The following BICRA variants were observed in gnomAD, a reference collection of about 807,000 sequenced individuals.
BICRA encodes the protein BRD4-interacting chromatin-remodeling complex-associated protein.
In BICRA, 31 loss-of-function variants were observed where a neutral mutation model predicts 96.9. The ratio of observed to expected loss-of-function variants is 0.32; its 90% CI spans 0.24 to 0.43. BICRA has a LOEUF of 0.43. BICRA is among the 20% of genes least tolerant of loss of function. The pLI, the probability that BICRA is intolerant of heterozygous loss-of-function variation, is 1.00. For synonymous variants in BICRA, 1,350 were observed against 1,071.8 expected, an observed-to-expected ratio of 1.26 and a Z score of -5.07; for missense variants, 2,283 against 2,190.3, an observed-to-expected ratio of 1.04 and a Z score of -0.84.
At position 47,701,407 on chromosome 19, in the gene BICRA, C is replaced by T. The variant is rs1426492683; in HGVS notation, c.3675C>T (p.Gly1225=). The stretch of plus-strand genomic sequence containing the variant: ...AGGGTCATCGGCTTCCCGGCCACGG[C>T]CCCCTGTCGTCTTCAGCTCCCGGGG... The part of the protein sequence containing the change: ...SSEGHRLPGH[G]PLSSSAPGAS... The change falls in exon 15 of 15, where the codon GGC becomes GGT. Residue 1225 remains glycine, a synonymous_variant. Coordinates refer to ENST00000594866, the MANE Select transcript of BICRA (RefSeq NM_001394372.1). The surrounding 1 kb of genome is among the most constrained non-coding windows in gnomAD (Gnocchi z 5.4). The T allele has an allele frequency of 1.9e-6, 3 of 1,600,036 alleles. No homozygotes were observed. The highest frequency in any genetic ancestry group is 1.7e-5 in the Admixed American group (1 of 58,052).
At chr19:47,638,324 T>C (rs1207999278) in intron 1 of BICRA, among the ~76,000 whole-genome samples, 5 of 152,130 alleles carry the variant, frequency 3.3e-5, no homozygotes, top group African/African-American at 9.7e-5. Context: ...CGGGAAGGCA[T>C]AGGGAGAGGG....
chr19:47,680,753 C>G lies in BICRA; in HGVS notation c.1583C>G (p.Pro528Arg). 1 of 1,609,086 alleles carries G rather than the reference C, an allele frequency of 6.2e-7. No homozygotes were observed. The highest frequency in any genetic ancestry group is 8.5e-7 in the Non-Finnish European group (1 of 1,178,360). Residue 528 changes from proline to arginine, a missense_variant, in exon 6 of 15, where the codon CCC becomes CGC. By Grantham distance (103) the Pro-to-Arg change is moderately radical. Transcript: ENST00000594866. Reference sequence around the variant, plus strand: ...CTGGCGGGCCCACTGAGCCTGGGCCCCGTGTTGGCCCCCCACTCCGGGGCC... The same window carrying G: ...CTGGCGGGCCCACTGAGCCTGGGCCGCGTGTTGGCCCCCCACTCCGGGGCC... ...QNLAGPLSLG[P>R]VLAPHSGAHS... is the part of the protein sequence containing the mutation.
intron 1 of BICRA, among the ~76,000 whole-genome samples, chr19:47,666,056 G>A (rs1972773861): frequency 6.6e-6 from 1 of 152,152 alleles, no homozygotes. Flanking sequence ...AGTACTTTAG[G>A]GCATGGATTA....
At position 47,680,367 on chromosome 19, in the gene BICRA, C is replaced by T. The variant is rs1599848435; in HGVS notation, c.1197C>T (p.Phe399=). Residue 399 remains phenylalanine (F), a synonymous_variant, in exon 6 of 15, where the codon TTC becomes TTT. Coordinates refer to ENST00000594866, the MANE Select transcript of BICRA (RefSeq NM_001394372.1). The part of the protein sequence containing the change: ...QQPKAPQNLT[F]MAAGKAGQNV... ...CCAAGGCCCCGCAGAACCTGACGTT[C>T]ATGGCGGCGGGGAAGGCGGGCCAGA... The T allele has an allele frequency of 6.5e-7, 1 of 1,530,990 alleles. No individual in the cohort carries two copies. 94.8% of individuals were successfully genotyped at this position (1,530,990 alleles called of 1,614,324 possible). A position where few individuals can be genotyped will look rare whatever the true frequency, so the allele number is the denominator to read the frequency against.
At chr19:47,665,431 C>A (rs1972764025) in intron 1 of BICRA, among the ~76,000 whole-genome samples, 2 of 152,132 alleles carry the variant, frequency 1.3e-5, no homozygotes, top group South Asian at 4.1e-4. Flanking sequence ...AGTAAACAAC[C>A]AAACCATCAG....
At chr19:47,696,385 G>T (rs1456906154) in intron 10 of BICRA, 66 bp from the exon 11 acceptor site, 1 of 1,444,324 alleles carries the variant, frequency 6.9e-7, no homozygotes, top group Non-Finnish European at 9.5e-7. Context: ...AGGCTAGAGG[G>T]GAAGCTGGTC....
At position 47,621,381 on chromosome 19, in the gene BICRA, A is replaced by G. The variant is rs571766392; in HGVS notation, c.-108+12213A>G. On this transcript the variant is annotated intron_variant, in intron 1 of 14. Coordinates refer to ENST00000594866, the MANE Select transcript of BICRA (RefSeq NM_001394372.1). The stretch of plus-strand genomic sequence containing the variant: ...CTGTCTCGTTAGCCAAAGGAACAAA[A>G]TCCCCTGATGTCTTCCCAGTGCTTT... 5.3e-5 allele frequency among the ~76,000 whole-genome samples: 8 copies of G among 151,474 alleles called. No homozygotes were observed. In the South Asian group the frequency reaches 1.7e-3, roughly 32 times the overall value.
chr19:47,621,466 C>CTTTT, intron 1 of BICRA, among the ~76,000 whole-genome samples: 1 of 135,016 alleles, frequency 7.4e-6, no homozygotes, highest in Middle Eastern at 3.9e-3. Context: ...ATTTTTTAGT[C>CTTTT]TTTTTTTTTT....
At chr19:47,624,819 G>A (rs905334211) in intron 1 of BICRA, among the ~76,000 whole-genome samples, 1 of 151,574 alleles carries the variant, frequency 6.6e-6, no homozygotes, top group African/African-American at 2.4e-5. Flanking sequence ...TCAGCTACCC[G>A]AGTAGTTGGG....
rs1046487819 is a variant in BICRA, at chr19:47,702,515, T to G, written c.*100T>G. The G allele has an allele frequency of 3.4e-5, 45 of 1,328,252 alleles. No individual in the cohort carries two copies. Among genetic ancestry groups the G allele is most frequent in the Non-Finnish European group, 4.3e-5 (44 of 1,030,754 alleles). The allele number at this position is 1,328,252 out of a possible 1,614,324, so 82.3% of individuals were successfully genotyped here. A position where few individuals can be genotyped will look rare whatever the true frequency, so the allele number is the denominator to read the frequency against. ...CTGGGGACTCGAGCCGGGGATCCCC[T>G]GACGGTTTTTCTTGCCTAAGTTATT... is the stretch of plus-strand genomic sequence containing the variant. On this transcript the variant is annotated 3_prime_UTR_variant, in exon 15 of 15. Coordinates refer to ENST00000594866, the MANE Select transcript of BICRA (RefSeq NM_001394372.1).
chr19:47,654,940 C>A lies in BICRA; in HGVS notation c.-107-15503C>A, dbSNP rs575995201. On this transcript the variant is annotated intron_variant, in intron 1 of 14. Transcript: ENST00000594866. ...GCGTCTTGATCTTAGTGGGTATTGT[C>A]ATGTGCAGGGGGTCCTCATTATTCC... is the stretch of plus-strand genomic sequence containing the variant. Among the ~76,000 whole-genome samples the A allele has an allele frequency of 5.3e-5, 8 of 152,216 alleles. No homozygotes were observed. In the East Asian group the frequency reaches 1.5e-3, roughly 29 times the overall value.
rs186397251 is a variant in BICRA, at chr19:47,679,310, C to G, written c.151-11C>G. ...CTCAGCTCTTTCCTTCCCACCTTTC[C>G]CGGCCTGCAGCTCCATGTGCAAGAA... On this transcript the variant is annotated splice_polypyrimidine_tract_variant and intron_variant, in intron 5 of 14. Transcript: ENST00000594866. 1.4e-6 allele frequency: 2 copies of G among 1,421,814 alleles called. No homozygotes were observed. Among genetic ancestry groups the G allele is most frequent in the Non-Finnish European group, 1.8e-6 (2 of 1,086,614 alleles). 88.1% of individuals were successfully genotyped at this position (1,421,814 alleles called of 1,614,324 possible). A position where few individuals can be genotyped will look rare whatever the true frequency, so the allele number is the denominator to read the frequency against.
chr19:47,675,721 C>T lies in BICRA; in HGVS notation c.85-130C>T. The T allele has an allele frequency of 1.4e-6, 1 of 739,440 alleles. No individual in the cohort carries two copies. Among genetic ancestry groups the T allele is most frequent in the Non-Finnish European group, 2.4e-6 (1 of 421,792 alleles). 45.8% of individuals were successfully genotyped at this position (739,440 alleles called of 1,614,324 possible). ...GCCTCTTTTCGGAGGCGAGAGTTTC[C>T]CATACCCCCAGCCCTCTCCCATCCC... is the stretch of plus-strand genomic sequence containing the variant. On this transcript the variant is annotated intron_variant, in intron 4 of 14. Coordinates refer to ENST00000594866, the MANE Select transcript of BICRA (RefSeq NM_001394372.1). This position sits in a 1 kb window ranked among gnomAD's most constrained non-coding sequence, Gnocchi z 4.7.
At chr19:47,637,206 A>T (rs1449977065) in intron 1 of BICRA, among the ~76,000 whole-genome samples, 3 of 145,916 alleles carry the variant, frequency 2.1e-5, no homozygotes. Flanking sequence ...TGAAAGCTTC[A>T]CCTCCCGGGT....
At chr19:47,626,571 GTTTTT>G (rs549577847) in intron 1 of BICRA, among the ~76,000 whole-genome samples, 28 of 126,614 alleles carry the variant, frequency 2.2e-4, no homozygotes, top group African/African-American at 8.3e-4. Flanking sequence ...TAATTTTTTG[GTTTTT>G]TTTTTTTTTT....
intron 1 of BICRA, among the ~76,000 whole-genome samples, chr19:47,640,104 A>G (rs1972362496): frequency 6.6e-6 from 1 of 152,196 alleles, no homozygotes. Context: ...TACATTATTG[A>G]GCATCTCTGT....
chr19:47,702,561 C>T lies in BICRA; in HGVS notation c.*146C>T, dbSNP rs954107229. Reference sequence around the variant, plus strand: ...TTATTTGAGTCACAAAGGCCTCCTTCCCTGCCGCCTGCTTCAGCTGGGTTG... The same window carrying T: ...TTATTTGAGTCACAAAGGCCTCCTTTCCTGCCGCCTGCTTCAGCTGGGTTG... On this transcript the variant is annotated 3_prime_UTR_variant, in exon 15 of 15. Coordinates refer to ENST00000594866, the MANE Select transcript of BICRA (RefSeq NM_001394372.1). 1 of 933,852 alleles carries T rather than the reference C, an allele frequency of 1.1e-6. No individual in the cohort carries two copies. Among genetic ancestry groups the T allele is most frequent in the Non-Finnish European group, 1.5e-6 (1 of 672,960 alleles). 57.8% of individuals were successfully genotyped at this position (933,852 alleles called of 1,614,324 possible). A position where few individuals can be genotyped will look rare whatever the true frequency, so the allele number is the denominator to read the frequency against.
intron 1 of BICRA, among the ~76,000 whole-genome samples, chr19:47,645,413 C>T (rs1972445056): frequency 6.6e-6 from 1 of 152,152 alleles, no homozygotes; most frequent in South Asian, 2.1e-4. Flanking sequence ...AAGGGACATT[C>T]TGGTTCCTTT....
chr19:47,634,755 A>AT (rs1972273457), intron 1 of BICRA, among the ~76,000 whole-genome samples: 1 of 148,910 alleles, frequency 6.7e-6, no homozygotes, highest in African/African-American at 2.5e-5. Flanking sequence ...CTTAAAATTA[A>AT]ATTTTTTTTT....
Sources: allele counts gnomAD v4.1 joint callset (sites outside exome capture counted in the v4.1 genomes callset), GRCh38; gene constraint gnomAD v4.1.1; non-coding constraint Gnocchi (gnomAD v3.1); transcripts MANE v1.5; gene names NCBI Gene and HGNC (gene_info 2026-07-23, HGNC 2026-07-21).